The following FRMPD1 variants were observed in gnomAD, a reference collection of about 807,000 sequenced individuals.
The protein encoded by FRMPD1 is FERM and PDZ domain containing 1, also known as FERM and PDZ domain-containing protein 1.
In FRMPD1, 76 loss-of-function variants were observed where a neutral mutation model predicts 117.8. That is an observed-to-expected ratio of 0.65 (90% CI 0.54 to 0.78). The LOEUF is 0.78. Among genes scored for constraint, FRMPD1 ranks in the 30% least tolerant of loss-of-function variants. FRMPD1 has a pLI of 0.00. For synonymous variants in FRMPD1, 783 were observed against 770.4 expected (o/e 1.02, Z -0.27); for missense variants, 1,786 against 1,964.5 (o/e 0.91, Z 1.72).
At chr9:37,637,963 G>GCTTCTTTCTTTCTTT in the FRMPD1 span, among the ~76,000 whole-genome samples, 77 of 100,130 alleles carry the variant, frequency 7.7e-4, 9 homozygotes, top group African/African-American at 2.9e-3. Flanking sequence ...AATGGTGTAT[G>GCTTCTTTCTTTCTTT]CTTTCTTTCT....
At chr9:37,710,984 G>A (rs1234295543) in intron 4 of FRMPD1, among the ~76,000 whole-genome samples, 7 of 151,864 alleles carry the variant, frequency 4.6e-5, no homozygotes, top group African/African-American at 1.7e-4. Flanking sequence ...AAAAAAATTG[G>A]GGGACATAAA....
intron 2 of FRMPD1, among the ~76,000 whole-genome samples, chr9:37,698,660 C>T (rs908099190): frequency 7.1e-6 from 1 of 141,602 alleles, no homozygotes; most frequent in Non-Finnish European, 1.5e-5. Flanking sequence ...CTCCTGGGTT[C>T]AAGAGATTCT....
chr9:37,746,755 T>C lies in FRMPD1; in HGVS notation c.4723T>C (p.Ser1575Pro). The C allele has an allele frequency of 6.2e-7, 1 of 1,613,820 alleles. No homozygotes were observed. The highest frequency in any genetic ancestry group is 1.1e-5 in the South Asian group (1 of 91,086). The change falls in exon 16 of 16, where the codon TCC (serine) becomes CCC (proline). Residue 1575 changes from serine to proline, a missense_variant. Ser to Pro is a moderately conservative substitution (Grantham distance 74, BLOSUM62 -1). Transcript: ENST00000377765. The part of the protein sequence containing the change: ...VFCLTQKFRA[S>P]TAL ...CTGTTTGACCCAGAAGTTCCGGGCA[T>C]CCACGGCCCTGTAAACAGGTCAACG...
At chr9:37,643,871 G>A in the FRMPD1 span, among the ~76,000 whole-genome samples, 2 of 152,168 alleles carry the variant, frequency 1.3e-5, no homozygotes, top group African/African-American at 2.4e-5. Context: ...GGTGGAAGAA[G>A]CTTTTAGGAT....
the FRMPD1 span, among the ~76,000 whole-genome samples, chr9:37,605,430 C>A: frequency 6.6e-6 from 1 of 152,264 alleles, no homozygotes; most frequent in South Asian, 2.1e-4. Context: ...CCAGAGCTGA[C>A]GGAGATGAGA....
In FRMPD1 at chr9:37,667,400, C is replaced by T. The variant is rs148658802; in HGVS notation, c.-5+16306C>T. On this transcript the variant is annotated intron_variant, in intron 1 of 15. Coordinates refer to ENST00000377765, the MANE Select transcript of FRMPD1 (RefSeq NM_014907.3). ...TTTAAGGTTACCCCTGGGCTGGCCA[C>T]AATGGCTCACTCCTGTAATCCCAGC... is the stretch of plus-strand genomic sequence containing the variant. Among the ~76,000 whole-genome samples the T allele has an allele frequency of 3.4e-3, 508 of 150,996 alleles. 4 individuals are homozygous for T. Among genetic ancestry groups the T allele is most frequent in the African/African-American group, 0.012 (475 of 41,264 alleles).
At chr9:37,659,937 A>G (rs1820951801) in intron 1 of FRMPD1, among the ~76,000 whole-genome samples, 1 of 150,318 alleles carries the variant, frequency 6.7e-6, no homozygotes, top group African/African-American at 2.5e-5. Flanking sequence ...AAAAAAAACA[A>G]AACTGAGGGG....
chr9:37,679,983 T>C (rs925278126), intron 1 of FRMPD1, among the ~76,000 whole-genome samples: 2 of 152,238 alleles, frequency 1.3e-5, no homozygotes, highest in Non-Finnish European at 2.9e-5. Context: ...GTTTCAGCCC[T>C]TTCCCACACC....
chr9:37,746,411 G>T lies in FRMPD1; in HGVS notation c.4379G>T (p.Ser1460Ile), dbSNP rs1824721572. ...KCTWHFTESR[S>I]RLCMGSQKLL... ...ACCTGGCACTTTACCGAAAGCCGGAGCCGCCTCTGCATGGGCTCCCAGAAG... is the reference window on the plus strand; with the variant it reads ...ACCTGGCACTTTACCGAAAGCCGGATCCGCCTCTGCATGGGCTCCCAGAAG... The change falls in exon 16 of 16, where the codon AGC becomes ATC. Residue 1460 changes from serine to isoleucine, a missense_variant. Physicochemically the swap from Ser to Ile is moderately radical, Grantham distance 142 (BLOSUM62 -2). Transcript: ENST00000377765. 1 of 1,613,182 alleles carries T rather than the reference G, an allele frequency of 6.2e-7. No homozygotes were observed. Among genetic ancestry groups the T allele is most frequent in the South Asian group, 1.1e-5 (1 of 91,076 alleles).
chr9:37,642,207 A>G, the FRMPD1 span, among the ~76,000 whole-genome samples: 87 of 152,336 alleles, frequency 5.7e-4, no homozygotes, highest in African/African-American at 1.7e-3. Flanking sequence ...GATGATCTTG[A>G]GCAGGTTACT....
intron 1 of FRMPD1, among the ~76,000 whole-genome samples, chr9:37,655,634 C>G (rs7044149): frequency 0.31 from 46,273 of 151,274 alleles, 7,878 homozygotes; most frequent in East Asian, 0.55. Flanking sequence ...CTCCTGAGTA[C>G]CTGGGACTAC....
the FRMPD1 span, among the ~76,000 whole-genome samples, chr9:37,632,220 G>A: frequency 1.3e-5 from 2 of 152,014 alleles, no homozygotes; most frequent in African/African-American, 4.8e-5. Context: ...TGGATATACC[G>A]TAATTTAACA....
chr9:37,630,468 G>A, the FRMPD1 span, among the ~76,000 whole-genome samples: 564 of 152,030 alleles, frequency 3.7e-3, 6 homozygotes, highest in African/African-American at 0.011. Context: ...TGCAACCTCC[G>A]CCTCCTGGTT....
Position 37,744,960 on chromosome 9 carries a change from A to T in FRMPD1, c.2928A>T (p.Ser976=). 1 of 1,614,186 alleles carries T rather than the reference A, an allele frequency of 6.2e-7. No homozygotes were observed. Among genetic ancestry groups the T allele is most frequent in the Non-Finnish European group, 8.5e-7 (1 of 1,180,014 alleles). ...CTCCTCACTGTTCTAACCCAGGTTC[A>T]TCTGGCCCAGATACTGCTCAGGCAA... ...ASTPHCSNPG[S]SGPDTAQARP... Residue 976 remains serine, a synonymous_variant, in exon 16 of 16, where the codon TCA becomes TCT. Coordinates refer to ENST00000377765, the MANE Select transcript of FRMPD1 (RefSeq NM_014907.3).
the FRMPD1 span, among the ~76,000 whole-genome samples, chr9:37,605,372 C>A: frequency 5.9e-4 from 90 of 152,284 alleles, no homozygotes; most frequent in Middle Eastern, 3.4e-3. Context: ...GGCAGGACTC[C>A]CCCTTACTGC....
chr9:37,744,833 T>C lies in FRMPD1; in HGVS notation c.2801T>C (p.Ile934Thr). Residue 934 changes from isoleucine (I) to threonine (T), a missense_variant, in exon 16 of 16, where the codon ATC (isoleucine) becomes ACC (threonine). Coordinates refer to ENST00000377765, the MANE Select transcript of FRMPD1 (RefSeq NM_014907.3). The part of the protein sequence containing the change: ...EPETMETKSV[I>T]DSRVSSISAI... The stretch of plus-strand genomic sequence containing the variant: ...GAGACCATGGAAACCAAATCAGTCA[T>C]CGACTCTCGAGTGTCTTCTATTTCT... 1 of 1,614,118 alleles carries C rather than the reference T, an allele frequency of 6.2e-7. No individual in the cohort carries two copies.
chr9:37,725,492 C>T (rs1470583461), intron 7 of FRMPD1, among the ~76,000 whole-genome samples: 3 of 152,330 alleles, frequency 2.0e-5, no homozygotes, highest in Non-Finnish European at 2.9e-5. Context: ...TACACCTGTA[C>T]GCACACATCC....
In FRMPD1 at chr9:37,740,216, G is replaced by A; in HGVS notation, c.1688G>A (p.Ser563Asn). ...AAGGAGGAGCAGCCTCCTGGGAACA[G>A]CCCCACACCTGAGGTGGCTAGGAGG... ...LIKEEQPPGN[S>N]PTPEVARRGP... Residue 563 changes from serine (S) to asparagine (N), a missense_variant, in exon 15 of 16, where the codon AGC becomes AAC. Transcript: ENST00000377765. This position sits in a 1 kb window ranked among gnomAD's most constrained non-coding sequence, Gnocchi z 4.2. 1.2e-6 allele frequency: 2 copies of A among 1,613,996 alleles called. No individual in the cohort carries two copies. Among genetic ancestry groups the A allele is most frequent in the Non-Finnish European group, 1.7e-6 (2 of 1,179,950 alleles).
In FRMPD1 at chr9:37,708,384, T is replaced by C. The variant is rs745849997; in HGVS notation, c.260-15T>C. 1 of 1,543,262 alleles carries C rather than the reference T, an allele frequency of 6.5e-7. No homozygotes were observed. Among genetic ancestry groups the C allele is most frequent in the Non-Finnish European group, 9.0e-7 (1 of 1,116,064 alleles). ...TCCCGGCATGAGCACCAATTACTTA[T>C]TTTCTGTCCAACAGGAGGCTCTGCT... On this transcript the variant is annotated splice_polypyrimidine_tract_variant and intron_variant, in intron 3 of 15. Coordinates refer to ENST00000377765, the MANE Select transcript of FRMPD1 (RefSeq NM_014907.3).
Sources: allele counts gnomAD v4.1 joint callset (sites outside exome capture counted in the v4.1 genomes callset), GRCh38; gene constraint gnomAD v4.1.1; non-coding constraint Gnocchi (gnomAD v3.1); transcripts MANE v1.5; gene names NCBI Gene and HGNC (gene_info 2026-07-23, HGNC 2026-07-21).